Variants in CCDC148 observed in about 807,000 individuals in gnomAD.
The protein encoded by CCDC148 is coiled-coil domain containing 148, also known as coiled-coil domain-containing protein 148.
A neutral mutation model predicts 85.7 loss-of-function variants in CCDC148; 89 were observed. That is an observed-to-expected ratio of 1.04 (90% CI 0.87 to 1.24). CCDC148 has a LOEUF of 1.24. Ranked by LOEUF, CCDC148 falls within the 50% of genes most tolerant of loss-of-function variation. The pLI is 0.00. For synonymous variants in CCDC148, 230 were observed against 213.9 expected (o/e 1.08, Z -0.66); for missense variants, 692 against 671.7 (o/e 1.03, Z -0.33).
chr2:158,266,517 G>A (rs1291370243), intron 9 of CCDC148, among the ~76,000 whole-genome samples: 4 of 152,004 alleles, frequency 2.6e-5, no homozygotes, highest in Non-Finnish European at 4.4e-5. Flanking sequence ...GTGGTATCTG[G>A]CTACACGAAT....
At chr2:158,352,861 G>A (rs1188859588) in intron 2 of CCDC148, among the ~76,000 whole-genome samples, 2 of 152,160 alleles carry the variant, frequency 1.3e-5, no homozygotes, top group Non-Finnish European at 2.9e-5. Context: ...AAGCCCATCA[G>A]ACTAGCAGCG....
At chr2:158,446,763 T>C (rs1261657837) in intron 1 of CCDC148, among the ~76,000 whole-genome samples, 1 of 152,180 alleles carries the variant, frequency 6.6e-6, no homozygotes, top group East Asian at 1.9e-4. Flanking sequence ...TCATAACCAC[T>C]TGTATTAAAT....
chr2:158,295,285 T>C (rs1691126191), intron 9 of CCDC148, among the ~76,000 whole-genome samples: 1 of 152,040 alleles, frequency 6.6e-6, no homozygotes, highest in Non-Finnish European at 1.5e-5. Flanking sequence ...AGCCGAATTC[T>C]ACCAGAGGTA....
intron 9 of CCDC148, among the ~76,000 whole-genome samples, chr2:158,261,589 A>G (rs1689226118): frequency 1.3e-5 from 2 of 152,318 alleles, no homozygotes; most frequent in Middle Eastern, 3.4e-3. Flanking sequence ...GACAACCTAC[A>G]GAATGGGAGA....
chr2:158,343,483 G>A (rs1381612341), intron 3 of CCDC148, among the ~76,000 whole-genome samples: 2 of 152,052 alleles, frequency 1.3e-5, no homozygotes, highest in Non-Finnish European at 2.9e-5. Context: ...TAACATACTC[G>A]GTTGGTGCAA....
At chr2:158,362,979 G>A (rs1467732892) in intron 1 of CCDC148, among the ~76,000 whole-genome samples, 1 of 152,118 alleles carries the variant, frequency 6.6e-6, no homozygotes, top group East Asian at 1.9e-4. Context: ...AAATGATAAA[G>A]GGTATATCAC....
At position 158,250,771 on chromosome 2, in the gene CCDC148, C is replaced by CTT; in HGVS notation, c.1250_1251dup (p.Ile418LysfsTer2). 6.5e-7 allele frequency: 1 copy of CTT among 1,535,168 alleles called. No homozygotes were observed. The highest frequency in any genetic ancestry group is 8.7e-7 in the Non-Finnish European group (1 of 1,143,014). On this transcript the variant is annotated frameshift_variant and splice_region_variant. Coordinates refer to ENST00000283233, the MANE Select transcript of CCDC148 (RefSeq NM_138803.4). LOFTEE classifies it high-confidence loss of function. The stretch of plus-strand genomic sequence containing the variant: ...ATTCGTATTGACAATAGATTTTTTA[C>CTT]TTTTTTTTTCTTCTCTGCTCTTTGC...
chr2:158,442,421 G>A (rs1687973718), intron 1 of CCDC148, among the ~76,000 whole-genome samples: 1 of 152,160 alleles, frequency 6.6e-6, no homozygotes, highest in African/African-American at 2.4e-5. Flanking sequence ...ATTATGGTAT[G>A]CCAGTTCAGA....
At chr2:158,352,378 T>G (rs2105258566) in intron 2 of CCDC148, among the ~76,000 whole-genome samples, 2 of 152,134 alleles carry the variant, frequency 1.3e-5, no homozygotes, top group East Asian at 3.9e-4. Context: ...GAGAACTGCT[T>G]AAAGGAGGTG....
intron 7 of CCDC148, among the ~76,000 whole-genome samples, chr2:158,317,084 G>A (rs1692314692): frequency 1.3e-5 from 2 of 152,048 alleles, no homozygotes; most frequent in African/African-American, 4.8e-5. Flanking sequence ...TAGCTAAATT[G>A]CACAGACAGT....
At chr2:158,396,521 G>C (rs1230431053) in intron 1 of CCDC148, among the ~76,000 whole-genome samples, 1 of 152,060 alleles carries the variant, frequency 6.6e-6, no homozygotes, top group South Asian at 2.1e-4. Flanking sequence ...TCTGCCCCAA[G>C]AGCCAATTAA....
At chr2:158,376,727 G>GA (rs1328396135) in intron 1 of CCDC148, among the ~76,000 whole-genome samples, 1 of 151,520 alleles carries the variant, frequency 6.6e-6, no homozygotes, top group Admixed American at 6.6e-5. Context: ...ACAAAAAGAG[G>GA]AAAAAAAATT....
chr2:158,396,544 T>C (rs1685530093), intron 1 of CCDC148, among the ~76,000 whole-genome samples: 1 of 152,116 alleles, frequency 6.6e-6, no homozygotes, highest in Non-Finnish European at 1.5e-5. Flanking sequence ...TATTCCAGAA[T>C]GTGGAACAGT....
chr2:158,277,642 G>C (rs1200904594), intron 9 of CCDC148, among the ~76,000 whole-genome samples: 1 of 151,434 alleles, frequency 6.6e-6, no homozygotes, highest in Non-Finnish European at 1.5e-5. Flanking sequence ...TGTTGCCCAG[G>C]CTGGAGTGCA....
chr2:158,190,296 A>G (rs1387915352), intron 11 of CCDC148, among the ~76,000 whole-genome samples: 1 of 151,992 alleles, frequency 6.6e-6, no homozygotes, highest in Non-Finnish European at 1.5e-5. Context: ...ATTTATCATG[A>G]ACTGAAATTT....
chr2:158,283,464 AG>A, intron 9 of CCDC148, among the ~76,000 whole-genome samples: 1 of 152,384 alleles, frequency 6.6e-6, no homozygotes. Context: ...AAGTGGGCAA[AG>A]GATATGAATA....
chr2:158,414,029 T>C (rs1686382811), intron 1 of CCDC148, among the ~76,000 whole-genome samples: 1 of 152,108 alleles, frequency 6.6e-6, no homozygotes, highest in African/African-American at 2.4e-5. Context: ...GTCACCCAAA[T>C]AGAAAGTGAT....
chr2:158,393,098 G>C (rs1307452183), intron 1 of CCDC148: 1 of 151,992 alleles, frequency 6.6e-6, no homozygotes, highest in Non-Finnish European at 1.5e-5. Flanking sequence ...CTTAAAACCA[G>C]ATAAAAATAA....
intron 2 of CCDC148, among the ~76,000 whole-genome samples, chr2:158,352,819 C>T (rs939580345): frequency 1.4e-4 from 21 of 151,938 alleles, no homozygotes; most frequent in Non-Finnish European, 3.1e-4. Context: ...TTAAGGGCAG[C>T]CAGAGAGAAA....
Sources: gnomAD v4.1 joint callset for allele counts (sites outside exome capture counted in the v4.1 genomes callset) on GRCh38, gnomAD v4.1.1 for gene constraint, MANE v1.5 for transcripts, NCBI Gene and HGNC (gene_info 2026-07-23, HGNC 2026-07-21) for gene names.